TRPC4AP: variants seen among roughly 807,000 people sequenced by gnomAD.
The protein encoded by TRPC4AP is transient receptor potential cation channel subfamily C member 4 associated protein.
TRPC4AP carries 45 observed loss-of-function variants against 99.0 expected under a neutral mutation model. That is an observed-to-expected ratio of 0.45 (90% CI 0.36 to 0.58). The LOEUF (loss-of-function observed/expected upper bound fraction) is 0.58. Ranked by LOEUF, TRPC4AP falls within the 20% of genes least tolerant of loss-of-function variation. The pLI, the probability that TRPC4AP is intolerant of heterozygous loss-of-function variation, is 0.00. For synonymous variants in TRPC4AP, 408 were observed against 385.8 expected (o/e 1.06, Z -0.67); for missense variants, 879 against 985.3 (o/e 0.89, Z 1.44).
chr20:35,092,553 G>A (rs967161948), intron 1 of TRPC4AP, 61 bp downstream of exon 1: 4 of 1,364,692 alleles, frequency 2.9e-6, no homozygotes, highest in South Asian at 3.1e-5. Context: ...CCTCTTCCCC[G>A]GCCCCCCGCC....
At chr20:35,087,852 C>G (rs2084930946) in intron 1 of TRPC4AP, among the ~76,000 whole-genome samples, 1 of 152,126 alleles carries the variant, frequency 6.6e-6, no homozygotes, top group Non-Finnish European at 1.5e-5. Flanking sequence ...AGAATTGACC[C>G]ATTACAAATT....
At chr20:35,060,915 A>G (rs2083989259) in intron 3 of TRPC4AP, among the ~76,000 whole-genome samples, 1 of 152,186 alleles carries the variant, frequency 6.6e-6, no homozygotes, top group Non-Finnish European at 1.5e-5. Flanking sequence ...ATGCTTTCCC[A>G]TTAAGATGAG....
At chr20:35,049,829 C>T (rs941498791) in intron 6 of TRPC4AP, 37 bp downstream of exon 6, 9 of 1,586,390 alleles carry the variant, frequency 5.7e-6, no homozygotes, top group Non-Finnish European at 7.7e-6. Flanking sequence ...GTCTGAGACA[C>T]CCTTCCCCAT....
At chr20:35,008,985 C>T (rs954623357) in intron 12 of TRPC4AP, among the ~76,000 whole-genome samples, 4 of 152,210 alleles carry the variant, frequency 2.6e-5, no homozygotes, top group African/African-American at 9.7e-5. Context: ...AGAAACATAT[C>T]CAGAATCAGA....
chr20:35,011,104 T>TAA (rs1487110062), intron 11 of TRPC4AP, among the ~76,000 whole-genome samples: 3 of 151,854 alleles, frequency 2.0e-5, no homozygotes, highest in Non-Finnish European at 4.4e-5. Flanking sequence ...ACTAAAAATA[T>TAA]AAAAAATTAG....
At chr20:35,036,016 C>T (rs376676022) in intron 7 of TRPC4AP, among the ~76,000 whole-genome samples, 1 of 152,110 alleles carries the variant, frequency 6.6e-6, no homozygotes, top group Non-Finnish European at 1.5e-5. Context: ...GTAACATTTA[C>T]TAGCAGGATG....
At chr20:35,059,896 TGAAGAAGACGAAGACGAA>T (rs1348470030) in intron 3 of TRPC4AP, among the ~76,000 whole-genome samples, 3 of 142,332 alleles carry the variant, frequency 2.1e-5, no homozygotes, top group East Asian at 2.0e-4. Flanking sequence ...AAGATGAAGA[TGAAGAAGACGAAGACGAA>T]GAAGACAAAG....
At chr20:35,042,045 G>A (rs932340968) in intron 7 of TRPC4AP, among the ~76,000 whole-genome samples, 1 of 152,138 alleles carries the variant, frequency 6.6e-6, no homozygotes, top group African/African-American at 2.4e-5. Context: ...AAGTTCTAGG[G>A]TACATGTGCA....
intron 11 of TRPC4AP, among the ~76,000 whole-genome samples, chr20:35,012,598 C>G (rs1262469825): frequency 6.6e-6 from 1 of 152,222 alleles, no homozygotes; most frequent in African/African-American, 2.4e-5. Flanking sequence ...GGGAGCACAC[C>G]TCCTTGTGGA....
At position 35,092,788 on chromosome 20, in the gene TRPC4AP, T is replaced by C. The variant is rs773206797; in HGVS notation, c.-7A>G. On this transcript the variant is annotated 5_prime_UTR_variant, in exon 1 of 19. Transcript: ENST00000252015. ...CTACCGGCGCCGCCGCCATGTCTCC[T>C]CGTCGGACAAACAGGAAGCAAGCGG... is the stretch of plus-strand genomic sequence containing the variant. 4 of 1,526,566 alleles carry C rather than the reference T, an allele frequency of 2.6e-6. No individual in the cohort carries two copies. Among genetic ancestry groups the C allele is most frequent in the Non-Finnish European group, 3.5e-6 (4 of 1,149,596 alleles). The allele number at this position is 1,526,566 out of a possible 1,614,324, so 94.6% of individuals were successfully genotyped here.
In TRPC4AP at chr20:35,084,495, T is replaced by TATGTATATA. The variant is rs2084749025; in HGVS notation, c.169-6322_169-6321insTATATACAT. ...GTATATATGTGTATATATGTATATA[T>TATGTATATA]CTATATATGTATATACGTATATATG... is the stretch of plus-strand genomic sequence containing the variant. On this transcript the variant is annotated intron_variant, in intron 1 of 18. Coordinates refer to ENST00000252015, the MANE Select transcript of TRPC4AP (RefSeq NM_015638.3). 5.3e-5 allele frequency among the ~76,000 whole-genome samples: 3 copies of TATGTATATA among 56,568 alleles called. No homozygotes were observed. The East Asian group carries it at 3.4e-3, about 64-fold the overall frequency. 37.1% of individuals were successfully genotyped at this position (56,568 alleles called of 152,430 possible). A position where few individuals can be genotyped will look rare whatever the true frequency, so the allele number is the denominator to read the frequency against.
At chr20:35,009,823 T>A (rs569430482) in intron 12 of TRPC4AP, among the ~76,000 whole-genome samples, 2 of 152,230 alleles carry the variant, frequency 1.3e-5, no homozygotes, top group East Asian at 1.9e-4. Context: ...CTTCTGTCTG[T>A]CCTGCTTGGC....
intron 3 of TRPC4AP, among the ~76,000 whole-genome samples, chr20:35,068,984 A>ACAAC (rs1555914267): frequency 3.6e-5 from 5 of 140,174 alleles, no homozygotes; most frequent in African/African-American, 1.4e-4. Context: ...CACACAAAAA[A>ACAAC]AACAAAACAT....
intron 14 of TRPC4AP, 44 bp downstream of exon 14, chr20:35,007,506 T>G (rs755834155): frequency 5.0e-6 from 8 of 1,598,038 alleles, no homozygotes; most frequent in Non-Finnish European, 6.9e-6. Context: ...ACGCGTGGGC[T>G]GGGGGGAGAC....
chr20:35,003,640 G>A, intron 17 of TRPC4AP, 24 bp from the exon 18 acceptor site: 1 of 1,604,802 alleles, frequency 6.2e-7, no homozygotes, highest in Non-Finnish European at 8.5e-7. Context: ...GGCCCACAGG[G>A]TCAGGGGCTG....
At chr20:35,084,840 CA>C (rs1272400415) in intron 1 of TRPC4AP, among the ~76,000 whole-genome samples, 1 of 151,376 alleles carries the variant, frequency 6.6e-6, no homozygotes, top group African/African-American at 2.4e-5. Context: ...TTTAACACTA[CA>C]AAAAAATTAT....
intron 1 of TRPC4AP, among the ~76,000 whole-genome samples, chr20:35,086,475 G>GTGTGTGTA (rs1249022184): frequency 1.7e-5 from 2 of 116,448 alleles, no homozygotes; most frequent in South Asian, 5.8e-4. Flanking sequence ...GTGTGTGTGT[G>GTGTGTGTA]TATGTGTGTG....
intron 1 of TRPC4AP, among the ~76,000 whole-genome samples, chr20:35,084,197 G>A (rs908269554): frequency 7.9e-5 from 12 of 151,492 alleles, no homozygotes; most frequent in Non-Finnish European, 1.5e-5. Flanking sequence ...AGCTACTCGG[G>A]GGGCATAGGT....
chr20:35,021,112 C>G, intron 9 of TRPC4AP, 78 bp downstream of exon 9: 2 of 1,492,440 alleles, frequency 1.3e-6, no homozygotes, highest in South Asian at 1.2e-5. Flanking sequence ...ACAGAAGGCC[C>G]AGTGGAGCAC....
Sources: allele counts gnomAD v4.1 joint callset (sites outside exome capture counted in the v4.1 genomes callset), GRCh38; gene constraint gnomAD v4.1.1; transcripts MANE v1.5; gene names NCBI Gene and HGNC (gene_info 2026-07-23, HGNC 2026-07-21).